Variants in RYR2 observed in about 807,000 individuals in gnomAD.
RYR2 encodes the protein cardiac muscle ryanodine receptor-calcium release channel.
Under a neutral mutation model 601.1 loss-of-function variants are expected in RYR2, and 227 were observed. The ratio of observed to expected loss-of-function variants is 0.38; its 90% CI spans 0.34 to 0.42. The LOEUF (loss-of-function observed/expected upper bound fraction) is 0.42. RYR2 is among the 10% of genes least tolerant of loss of function. RYR2 has a pLI of 1.00. For missense variants in RYR2, 4,646 were observed against 6,156.5 expected, an observed-to-expected ratio of 0.75 and a Z score of 8.21; for synonymous variants, 2,223 against 2,175.1, an observed-to-expected ratio of 1.02 and a Z score of -0.61.
intron 1 of RYR2, among the ~76,000 whole-genome samples, chr1:237,263,251 A>G (rs1454903590): frequency 1.3e-5 from 2 of 152,198 alleles, no homozygotes; most frequent in Non-Finnish European, 2.9e-5. Flanking sequence ...GGCAGTTCTA[A>G]AAAGAGACTC....
In RYR2 at chr1:237,801,901, C is replaced by G. The variant is rs756435572; in HGVS notation, c.14136C>G (p.Val4712=). The G allele has an allele frequency of 5.0e-6, 8 of 1,599,886 alleles. No homozygotes were observed. The highest frequency in any genetic ancestry group is 6.0e-6 in the Non-Finnish European group (7 of 1,169,434). The stretch of plus-strand genomic sequence containing the variant: ...AGTATCAGATGTGGAAACTAGGAGT[C>G]GTTTTCACTGACAACGTAAGCCTAC... The part of the protein sequence containing the change: ...DVKYQMWKLG[V]VFTDNSFLYL... The change falls in exon 98 of 105, where the codon GTC becomes GTG. Residue 4712 remains valine, a synonymous_variant. Coordinates refer to ENST00000366574, the MANE Select transcript of RYR2 (RefSeq NM_001035.3).
chr1:237,529,819 G>A (rs1456783836), intron 24 of RYR2, among the ~76,000 whole-genome samples: 2 of 141,218 alleles, frequency 1.4e-5, no homozygotes, highest in African/African-American at 5.3e-5. Flanking sequence ...TGCTTTAGTA[G>A]GTACATAGAC....
chr1:237,436,453 C>CCTTTTTT (rs1707365046), intron 12 of RYR2, among the ~76,000 whole-genome samples: 1 of 55,830 alleles, frequency 1.8e-5, no homozygotes, highest in African/African-American at 1.1e-4. Flanking sequence ...GTGTGATTTT[C>CCTTTTTT]CTTTTTTTTT....
chr1:237,201,734 C>T (rs540631884), intron 1 of RYR2, among the ~76,000 whole-genome samples: 6 of 152,246 alleles, frequency 3.9e-5, no homozygotes, highest in South Asian at 4.2e-4. Flanking sequence ...CTGCTGAGGC[C>T]TCACTCCTCC....
In RYR2 at chr1:237,491,803, T is replaced by C; in HGVS notation, c.1709-3T>C. 2 of 1,330,436 alleles carry C rather than the reference T, an allele frequency of 1.5e-6. No homozygotes were observed. The highest frequency in any genetic ancestry group is 2.1e-6 in the Non-Finnish European group (2 of 946,192). 82.4% of individuals were successfully genotyped at this position (1,330,436 alleles called of 1,614,324 possible). ...TTTTCCTCTTTCTTTGTTTTATCTTTAGGCATTCTGGAAGTTTTACACTGT... is the reference window on the plus strand; with the variant it reads ...TTTTCCTCTTTCTTTGTTTTATCTTCAGGCATTCTGGAAGTTTTACACTGT... On this transcript the variant is annotated splice_polypyrimidine_tract_variant and splice_region_variant and intron_variant, in intron 17 of 104. Coordinates refer to ENST00000366574, the MANE Select transcript of RYR2 (RefSeq NM_001035.3).
At chr1:237,292,995 T>C (rs192702376) in intron 2 of RYR2, among the ~76,000 whole-genome samples, 279 of 152,086 alleles carry the variant, frequency 1.8e-3, no homozygotes, top group African/African-American at 6.6e-3. Flanking sequence ...AAAAAAGTCT[T>C]TTTTTTCTCT....
chr1:237,319,952 C>T (rs972961766), intron 2 of RYR2, among the ~76,000 whole-genome samples: 1 of 152,176 alleles, frequency 6.6e-6, no homozygotes, highest in Non-Finnish European at 1.5e-5. Context: ...TTCCCTTTGA[C>T]AAGGTGGCAC....
chr1:237,268,388 T>A (rs866332612), intron 1 of RYR2, among the ~76,000 whole-genome samples: 1 of 152,218 alleles, frequency 6.6e-6, no homozygotes, highest in Non-Finnish European at 1.5e-5. Flanking sequence ...GCAGATTATA[T>A]AAGCTCCAAA....
chr1:237,674,642 T>C, intron 59 of RYR2, 89 bp from the exon 60 acceptor site: 1 of 681,856 alleles, frequency 1.5e-6, no homozygotes, highest in Non-Finnish European at 2.7e-6. Context: ...TATGTATGTA[T>C]ATACACATAT....
chr1:237,661,631 G>A (rs530778803), intron 56 of RYR2, among the ~76,000 whole-genome samples: 68 of 152,284 alleles, frequency 4.5e-4, no homozygotes, highest in African/African-American at 1.4e-3. Context: ...TGGGATCTGA[G>A]GGTTGATTCT....
rs1684341011 is a variant in RYR2, at chr1:237,666,512, G to T, written c.8437G>T (p.Val2813Phe). ...RTRRISQTSQ[V>F]SVDAAHGYSP... is the part of the protein sequence containing the mutation. Reference sequence around the variant, plus strand: ...CTGTTTTTTCACACAAATGATCTAGGTTTCTGTGGACGCTGCCCATGGTTA... The same window carrying T: ...CTGTTTTTTCACACAAATGATCTAGTTTTCTGTGGACGCTGCCCATGGTTA... Residue 2813 changes from valine (V) to phenylalanine (F), a missense_variant and splice_region_variant, in exon 57 of 105, where the codon GTT becomes TTT. Physicochemically the swap from Val to Phe is conservative, Grantham distance 50. Around this residue, in one of 17 missense-constraint regions of RYR2, gnomAD observed 1,497 missense variants for 1,842.6 expected, o/e 0.81. Transcript: ENST00000366574. 6.2e-7 allele frequency: 1 copy of T among 1,610,594 alleles called. No homozygotes were observed. Among genetic ancestry groups the T allele is most frequent in the African/African-American group, 1.3e-5 (1 of 74,790 alleles).
chr1:237,757,792 C>A lies in RYR2; in HGVS notation c.11325+16C>A. 1 of 1,499,162 alleles carries A rather than the reference C, an allele frequency of 6.7e-7. No individual in the cohort carries two copies. Among genetic ancestry groups the A allele is most frequent in the Non-Finnish European group, 9.3e-7 (1 of 1,075,948 alleles). 92.9% of individuals were successfully genotyped at this position (1,499,162 alleles called of 1,614,324 possible). On this transcript the variant is annotated intron_variant, in intron 82 of 104. Coordinates refer to ENST00000366574, the MANE Select transcript of RYR2 (RefSeq NM_001035.3). ...AGTACAGCAGGTAACAGCTTCCAGT[C>A]ATTCATATAATGTACTTTTCAGACA...
At chr1:237,415,944 T>G (rs1313041071) in intron 10 of RYR2, among the ~76,000 whole-genome samples, 1 of 152,202 alleles carries the variant, frequency 6.6e-6, no homozygotes, top group African/African-American at 2.4e-5. Flanking sequence ...TGTCTTCTGC[T>G]AGGTGTATGC....
rs542109923 is a variant in RYR2 at position 237,763,013 on chromosome 1, G to A, written c.11476+1985G>A. 8.5e-5 allele frequency among the ~76,000 whole-genome samples: 13 copies of A among 152,144 alleles called. No individual in the cohort carries two copies. In the South Asian group the frequency reaches 2.5e-3, roughly 29 times the overall value. On this transcript the variant is annotated intron_variant, in intron 84 of 104. Coordinates refer to ENST00000366574, the MANE Select transcript of RYR2 (RefSeq NM_001035.3). ...TGACAATTTCCGTGCATTCTTTTTTGTTGTAGACTGTTTTAACAAGTAGAT... is the reference window on the plus strand; with the variant it reads ...TGACAATTTCCGTGCATTCTTTTTTATTGTAGACTGTTTTAACAAGTAGAT...
intron 7 of RYR2, among the ~76,000 whole-genome samples, chr1:237,375,203 C>T (rs1239709954): frequency 6.6e-6 from 1 of 152,190 alleles, no homozygotes; most frequent in Non-Finnish European, 1.5e-5. Flanking sequence ...ATGAAAGTCT[C>T]CTTAATTTCT....
At chr1:237,775,045 A>G (rs918029796) in intron 87 of RYR2, among the ~76,000 whole-genome samples, 2 of 141,658 alleles carry the variant, frequency 1.4e-5, no homozygotes, top group Non-Finnish European at 3.0e-5. Flanking sequence ...ATAAAGTCAC[A>G]TGGCTTATTG....
intron 3 of RYR2, among the ~76,000 whole-genome samples, chr1:237,336,102 T>C (rs1270713417): frequency 1.3e-5 from 2 of 152,172 alleles, no homozygotes; most frequent in African/African-American, 2.4e-5. Flanking sequence ...ATTTCATGTA[T>C]GTTATAGAAG....
chr1:237,546,993 A>ATTTATTTATTTATT (rs56191820), intron 25 of RYR2, among the ~76,000 whole-genome samples: 1 of 127,400 alleles, frequency 7.8e-6, no homozygotes, highest in African/African-American at 2.8e-5. Flanking sequence ...ATATATATAT[A>ATTTATTTATTTATT]TATTTATTTA....
At position 237,419,859 on chromosome 1, in the gene RYR2, TTTCA is replaced by T. The variant is rs369314897; in HGVS notation, c.848+2740_848+2743del. 2.4e-4 allele frequency among the ~76,000 whole-genome samples: 37 copies of T among 152,336 alleles called. No individual in the cohort carries two copies. In the Middle Eastern group the frequency reaches 0.01, roughly 42 times the overall value. ...GCTTTTATTTTTTTAATTAAATCCCTTTCATTCTAGGAAGTTTACATGTCTTATA... is the reference window on the plus strand; with the variant it reads ...GCTTTTATTTTTTTAATTAAATCCCTTTCTAGGAAGTTTACATGTCTTATA... On this transcript the variant is annotated intron_variant, in intron 11 of 104. Coordinates refer to ENST00000366574, the MANE Select transcript of RYR2 (RefSeq NM_001035.3).
Sources: gnomAD v4.1 joint callset for allele counts (sites outside exome capture counted in the v4.1 genomes callset) on GRCh38, gnomAD v4.1.1 for gene constraint, gnomAD v4.1.1 regional missense constraint, MANE v1.5 for transcripts, NCBI Gene and HGNC (gene_info 2026-07-23, HGNC 2026-07-21) for gene names.